SSBP2: variants seen among roughly 807,000 people sequenced by gnomAD.
SSBP2 encodes the protein single-stranded DNA-binding protein 2.
In SSBP2, 17 loss-of-function variants were observed where a neutral mutation model predicts 61.8. The observed-to-expected ratio is 0.28, with a 90% CI of 0.19 to 0.41. The LOEUF (loss-of-function observed/expected upper bound fraction) is 0.41. Ranked by LOEUF, SSBP2 falls within the 10% of genes least tolerant of loss-of-function variation. The pLI is 1.00. For missense variants in SSBP2, 310 were observed against 458.7 expected (o/e 0.68, Z 2.96); for synonymous variants, 139 against 141.3 (o/e 0.98, Z 0.12).
In SSBP2 at chr5:81,532,267, TATTA is replaced by T. The variant is rs528575688; in HGVS notation, c.283-18554_283-18551del. On this transcript the variant is annotated intron_variant, in intron 4 of 16. Transcript: ENST00000320672. ...TATATAATACTATTTTATAAAGCAG[TATTA>T]ATTAATTTTTGTTTTAAAACTACCA... 4.3e-3 allele frequency among the ~76,000 whole-genome samples: 649 copies of T among 152,226 alleles called. 6 individuals carry two copies. Among genetic ancestry groups the T allele is most frequent in the African/African-American group, 0.015 (630 of 41,592 alleles).
chr5:81,698,731 C>G (rs539579824), intron 1 of SSBP2, among the ~76,000 whole-genome samples: 1 of 152,146 alleles, frequency 6.6e-6, no homozygotes, highest in African/African-American at 2.4e-5. Flanking sequence ...TTGCTTGAAT[C>G]TGGGAGGCAG....
chr5:81,533,230 C>T (rs1191407242), intron 4 of SSBP2, among the ~76,000 whole-genome samples: 3 of 151,734 alleles, frequency 2.0e-5, no homozygotes, highest in East Asian at 3.9e-4. Flanking sequence ...AAACATAATG[C>T]ACCTGAAAAA....
chr5:81,558,406 A>G (rs897913661), intron 4 of SSBP2, among the ~76,000 whole-genome samples: 1 of 152,236 alleles, frequency 6.6e-6, no homozygotes, highest in Non-Finnish European at 1.5e-5. Flanking sequence ...GCAGATGGCT[A>G]TCTTCCTATT....
At chr5:81,667,815 TTTC>T (rs1032334378) in intron 1 of SSBP2, among the ~76,000 whole-genome samples, 3 of 152,152 alleles carry the variant, frequency 2.0e-5, no homozygotes, top group African/African-American at 4.8e-5. Flanking sequence ...GTCACCATAT[TTTC>T]TTATTAAGCA....
At chr5:81,449,071 G>C (rs1236851748) in intron 10 of SSBP2, among the ~76,000 whole-genome samples, 4 of 152,110 alleles carry the variant, frequency 2.6e-5, no homozygotes, top group Admixed American at 6.5e-5. Context: ...AGATATATTG[G>C]TTTCAGGTAA....
intron 4 of SSBP2, among the ~76,000 whole-genome samples, chr5:81,603,511 G>A (rs1455521031): frequency 6.6e-6 from 1 of 152,156 alleles, no homozygotes; most frequent in Non-Finnish European, 1.5e-5. Context: ...TCAATAGACT[G>A]GCATGATCAC....
At chr5:81,473,223 TCA>T (rs2154022840) in intron 8 of SSBP2, among the ~76,000 whole-genome samples, 1 of 152,320 alleles carries the variant, frequency 6.6e-6, no homozygotes, top group Non-Finnish European at 1.5e-5. Context: ...CTGATTTTTC[TCA>T]GTGTTCAGTT....
At chr5:81,538,834 C>G (rs1771017031) in intron 4 of SSBP2, among the ~76,000 whole-genome samples, 1 of 152,150 alleles carries the variant, frequency 6.6e-6, no homozygotes, top group South Asian at 2.1e-4. Flanking sequence ...TTGAGACCTG[C>G]TACACGGAAG....
At chr5:81,622,161 T>C (rs911976295) in intron 3 of SSBP2, among the ~76,000 whole-genome samples, 1 of 151,924 alleles carries the variant, frequency 6.6e-6, no homozygotes, top group African/African-American at 2.4e-5. Context: ...ACACTTCTTT[T>C]TTTCTCCTAT....
intron 15 of SSBP2, 112 bp downstream of exon 15, chr5:81,437,318 C>A: frequency 1.0e-6 from 1 of 992,040 alleles, no homozygotes; most frequent in Admixed American, 2.3e-5. Flanking sequence ...TGGTCTTCTA[C>A]TTTCAAACTC....
intron 1 of SSBP2, among the ~76,000 whole-genome samples, chr5:81,652,804 G>A (rs1749847887): frequency 6.6e-6 from 1 of 151,504 alleles, no homozygotes; most frequent in East Asian, 1.9e-4. Context: ...TTGATTACAT[G>A]AGTAAGTTCT....
In SSBP2 at chr5:81,559,553, A is replaced by G. The variant is rs1772880080; in HGVS notation, c.283-45836T>C. Among the ~76,000 whole-genome samples, 3 of 151,926 alleles carry G rather than the reference A, an allele frequency of 2.0e-5. No individual in the cohort carries two copies. The South Asian group carries it at 6.2e-4, about 31-fold the overall frequency. On this transcript the variant is annotated intron_variant, in intron 4 of 16. Coordinates refer to ENST00000320672, the MANE Select transcript of SSBP2 (RefSeq NM_012446.5). ...ATTCCATCACAAAAAAGGAAAAAAA[A>G]TTATTTATAATATTATAAGAAACAA...
intron 4 of SSBP2, among the ~76,000 whole-genome samples, chr5:81,550,049 C>T (rs1210830344): frequency 6.6e-6 from 1 of 152,200 alleles, no homozygotes; most frequent in Non-Finnish European, 1.5e-5. Flanking sequence ...ACAAATGCCA[C>T]ATTCAGAGTT....
chr5:81,501,854 C>A (rs532600979), intron 5 of SSBP2, among the ~76,000 whole-genome samples: 1 of 151,870 alleles, frequency 6.6e-6, no homozygotes, highest in Admixed American at 6.6e-5. Context: ...TGAGCCACTG[C>A]GCCCTGCCCC....
intron 10 of SSBP2, among the ~76,000 whole-genome samples, chr5:81,458,250 T>C (rs1423614146): frequency 6.6e-6 from 1 of 152,188 alleles, no homozygotes; most frequent in African/African-American, 2.4e-5. Flanking sequence ...ATTAGTGAAA[T>C]CTGAATAAAA....
intron 8 of SSBP2, among the ~76,000 whole-genome samples, chr5:81,471,222 T>C (rs185437205): frequency 9.9e-5 from 15 of 151,838 alleles, no homozygotes; most frequent in Admixed American, 4.6e-4. Context: ...TTGACACATA[T>C]AATAAACTTA....
rs528279096 is a variant in SSBP2 at position 81,418,212 on chromosome 5, C to A, written c.*2292G>T. ...AGTCAGGTGTCTGGACAAACTATCACCTTCATTCAGGTTACCCTGGCTTGA... is the reference window on the plus strand; with the variant it reads ...AGTCAGGTGTCTGGACAAACTATCAACTTCATTCAGGTTACCCTGGCTTGA... On this transcript the variant is annotated 3_prime_UTR_variant, in exon 17 of 17. Transcript: ENST00000320672. 2.0e-5 allele frequency: 3 copies of A among 152,296 alleles called. No homozygotes were observed. In the South Asian group the frequency reaches 6.2e-4, roughly 32 times the overall value. 9.4% of individuals were successfully genotyped at this position (152,296 alleles called of 1,614,324 possible).
intron 4 of SSBP2, among the ~76,000 whole-genome samples, chr5:81,520,493 A>G (rs532107304): frequency 6.6e-6 from 1 of 152,306 alleles, no homozygotes; most frequent in Admixed American, 6.5e-5. Context: ...GAGAATACCA[A>G]TATCAAGTTT....
chr5:81,751,434 A>C (rs1185056557), upstream of SSBP2, among the ~76,000 whole-genome samples: 3 of 151,126 alleles, frequency 2.0e-5, no homozygotes, highest in African/African-American at 7.3e-5. Context: ...CTCCGCCGCC[A>C]CCCCTCCCCC....
Sources: allele counts gnomAD v4.1 joint callset (sites outside exome capture counted in the v4.1 genomes callset), GRCh38; gene constraint gnomAD v4.1.1; transcripts MANE v1.5; gene names NCBI Gene and HGNC (gene_info 2026-07-23, HGNC 2026-07-21).